MAP1S: variants seen among roughly 807,000 people sequenced by gnomAD.
The protein encoded by MAP1S is microtubule associated protein 1S.
MAP1S carries 27 observed loss-of-function variants against 60.9 expected under a neutral mutation model. The ratio of observed to expected loss-of-function variants is 0.44; its 90% CI spans 0.33 to 0.61. The LOEUF is 0.61. Ranked by LOEUF, MAP1S falls within the 20% of genes least tolerant of loss-of-function variation. The pLI is 0.03. For missense variants in MAP1S, 1,608 were observed against 1,486.6 expected (o/e 1.08, Z -1.34); for synonymous variants, 826 against 694.2 (o/e 1.19, Z -2.98).
In MAP1S at chr19:17,720,943, G is replaced by T. The variant is rs762588713; in HGVS notation, c.126G>T (p.Arg42=). The change falls in exon 2 of 7, where the codon CGG becomes CGT. Residue 42 remains arginine (R), a synonymous_variant. Transcript: ENST00000324096. ...YVLEELERGI[R]SWDVDPGVCN... is the part of the protein sequence containing the mutation. The stretch of plus-strand genomic sequence containing the variant: ...ATCCCTCCTTCCCACCAGGCATCCG[G>T]TCTTGGGATGTCGATCCTGGCGTCT... 3.1e-6 allele frequency: 5 copies of T among 1,613,710 alleles called. No individual in the cohort carries two copies. The highest frequency in any genetic ancestry group is 4.2e-6 in the Non-Finnish European group (5 of 1,179,782).
At chr19:17,719,902 C>T (rs2080355378) in intron 1 of MAP1S, 1 of 167,572 alleles carries the variant, frequency 6.0e-6, no homozygotes, top group Non-Finnish European at 1.2e-5. Context: ...GGACACGGGC[C>T]TGGGCTTGGG....
In MAP1S at chr19:17,727,253, A is replaced by C; in HGVS notation, c.1869A>C (p.Ala623=). ...LGPIPAGEEK[A]LELPLAASSI... is the part of the protein sequence containing the mutation. ...CGATCCCAGCCGGGGAGGAGAAGGC[A>C]CTGGAGCTGCCTTTGGCCGCCAGCT... is the stretch of plus-strand genomic sequence containing the variant. The change falls in exon 5 of 7, where the codon GCA becomes GCC. Residue 623 remains alanine, a synonymous_variant. Transcript: ENST00000324096. The surrounding 1 kb of genome is among the most constrained non-coding windows in gnomAD (Gnocchi z 4.1). 1 of 1,572,734 alleles carries C rather than the reference A, an allele frequency of 6.4e-7. No individual in the cohort carries two copies. Among genetic ancestry groups the C allele is most frequent in the Non-Finnish European group, 8.6e-7 (1 of 1,164,652 alleles).
Position 17,727,457 on chromosome 19 carries a change from G to T in MAP1S, c.2073G>T (p.Ser691=), listed in dbSNP as rs773981769. The T allele has an allele frequency of 6.2e-7, 1 of 1,605,604 alleles. No homozygotes were observed. The highest frequency in any genetic ancestry group is 8.5e-7 in the Non-Finnish European group (1 of 1,176,664). The change falls in exon 5 of 7, where the codon TCG becomes TCT. Residue 691 remains serine (S), a synonymous_variant. Transcript: ENST00000324096. This position sits in a 1 kb window ranked among gnomAD's most constrained non-coding sequence, Gnocchi z 4.1. The part of the protein sequence containing the change: ...SLPAEVGSPH[S]TEVDESLSVS... ...CCGCAGAGGTGGGCTCCCCGCACTC[G>T]ACCGAGGTGGACGAGTCCCTGTCGG...
At chr19:17,720,225 C>G (rs2080358216) in intron 1 of MAP1S, 1 of 1,378,632 alleles carries the variant, frequency 7.3e-7, no homozygotes, top group South Asian at 1.6e-5. Flanking sequence ...GCGTGATGCG[C>G]CCGTGGGTGG....
intron 2 of MAP1S, chr19:17,721,434 T>C (rs1197745728): frequency 2.7e-5 from 8 of 300,700 alleles, no homozygotes; most frequent in Non-Finnish European, 4.5e-5. Flanking sequence ...CTCAGCACTT[T>C]GGGAGGCCGC....
Position 17,726,037 on chromosome 19 carries a change from T to C in MAP1S, c.653T>C (p.Leu218Pro). The C allele has an allele frequency of 6.2e-7, 1 of 1,613,296 alleles. No individual in the cohort carries two copies. The highest frequency in any genetic ancestry group is 2.2e-5 in the East Asian group (1 of 44,838). ...TTCCTGGAGTACGTGGCTGAGTCTC[T>C]GGAGCCACCGTCCCCCTTCGAGCTG... ...CEFLEYVAESLEPPSPFELLE... is the reference protein window; with the variant it reads ...CEFLEYVAESPEPPSPFELLE... Residue 218 changes from leucine (L) to proline (P), a missense_variant, in exon 5 of 7, where the codon CTG (leucine) becomes CCG (proline). Transcript: ENST00000324096.
Position 17,733,140 on chromosome 19 carries a change from C to A in MAP1S, c.2789-53C>A, listed in dbSNP as rs576777377. ...GTGCAGGTCGAACTTGGAGCCTCGGCCCCTCCCCAGCCCCAGGAGCTCATC... is the reference window on the plus strand; with the variant it reads ...GTGCAGGTCGAACTTGGAGCCTCGGACCCTCCCCAGCCCCAGGAGCTCATC... On this transcript the variant is annotated intron_variant, in intron 5 of 6. Transcript: ENST00000324096. 54 of 1,266,664 alleles carry A rather than the reference C, an allele frequency of 4.3e-5. No individual in the cohort carries two copies. The South Asian group carries it at 7.6e-4, about 18-fold the overall frequency. The allele number at this position is 1,266,664 out of a possible 1,614,324, so 78.5% of individuals were successfully genotyped here. A position where few individuals can be genotyped will look rare whatever the true frequency, so the allele number is the denominator to read the frequency against.
At position 17,727,409 on chromosome 19, in the gene MAP1S, C is replaced by T. The variant is rs778992880; in HGVS notation, c.2025C>T (p.Pro675=). 8 of 1,598,072 alleles carry T rather than the reference C, an allele frequency of 5.0e-6. No homozygotes were observed. Among genetic ancestry groups the T allele is most frequent in the Non-Finnish European group, 8.5e-7 (1 of 1,173,146 alleles). The change falls in exon 5 of 7, where the codon CCC becomes CCT. Residue 675 remains proline, a synonymous_variant. Transcript: ENST00000324096. This position sits in a 1 kb window ranked among gnomAD's most constrained non-coding sequence, Gnocchi z 4.1. Reference sequence around the variant, plus strand: ...ACGCCTCACCCACAGTGACCACACCCACGGTGACCACGCCCTCACTACCCG... The same window carrying T: ...ACGCCTCACCCACAGTGACCACACCTACGGTGACCACGCCCTCACTACCCG... ...GPDASPTVTT[P]TVTTPSLPAE... is the part of the protein sequence containing the mutation.
rs548759746 is a variant in MAP1S, at chr19:17,733,201, A to C, written c.2797A>C (p.Ser933Arg). The C allele has an allele frequency of 1.7e-5, 26 of 1,502,568 alleles. No homozygotes were observed. The Admixed American group carries it at 4.5e-4, about 26-fold the overall frequency. 93.1% of individuals were successfully genotyped at this position (1,502,568 alleles called of 1,614,324 possible). The stretch of plus-strand genomic sequence containing the variant: ...CATCCCCCCGCCCGCAGGGTCAGCC[A>C]GCAGCCGGCCCGGGGTGTCAGCCAC... ...TATRGPSGSA[S>R]SRPGVSATPP... Residue 933 changes from serine to arginine, a missense_variant, in exon 6 of 7, where the codon AGC becomes CGC. This residue lies in a region of MAP1S where 1,167 missense variants were observed against 961.4 expected (regional missense o/e 1.21). Transcript: ENST00000324096.
In MAP1S at chr19:17,725,921, A is replaced by T; in HGVS notation, c.537A>T (p.Ala179=). 1 of 1,613,316 alleles carries T rather than the reference A, an allele frequency of 6.2e-7. No individual in the cohort carries two copies. Among genetic ancestry groups the T allele is most frequent in the East Asian group, 2.2e-5 (1 of 44,870 alleles). ...CCTTCGGTGACTGGGCTCAGCTGGC[A>T]CCCGCTGTGCCTGGCCTTCAGGGGG... ...CPTFGDWAQL[A]PAVPGLQGAL... is the part of the protein sequence containing the mutation. Residue 179 remains alanine (A), a synonymous_variant, in exon 5 of 7, where the codon GCA becomes GCT. Coordinates refer to ENST00000324096, the MANE Select transcript of MAP1S (RefSeq NM_018174.6). This position sits in a 1 kb window ranked among gnomAD's most constrained non-coding sequence, Gnocchi z 4.2.
chr19:17,722,212 G>A (rs2080376639), intron 2 of MAP1S, among the ~76,000 whole-genome samples: 1 of 152,208 alleles, frequency 6.6e-6, no homozygotes, highest in African/African-American at 2.4e-5. Context: ...AACACTTTGG[G>A]AGGTCAAAGT....
intron 2 of MAP1S, among the ~76,000 whole-genome samples, chr19:17,723,361 A>T (rs917856242): frequency 1.2e-4 from 18 of 151,768 alleles, no homozygotes. Context: ...AGCCTGACCC[A>T]CATGTTAAAA....
rs1433026178 is a variant in MAP1S, at chr19:17,733,762, G to A, written c.3024+334G>A. ...TAGGTGGGCTGGGTGGTATCTGTGCGGCTGAGAACCCTCCCCCATGGCTGC... is the reference window on the plus strand; with the variant it reads ...TAGGTGGGCTGGGTGGTATCTGTGCAGCTGAGAACCCTCCCCCATGGCTGC... On this transcript the variant is annotated intron_variant, in intron 6 of 6. Transcript: ENST00000324096. Among the ~76,000 whole-genome samples the A allele has an allele frequency of 5.9e-5, 9 of 152,186 alleles. 1 individual carries two copies. The highest frequency in any genetic ancestry group is 1.4e-4 in the African/African-American group (6 of 41,450).
At chr19:17,729,593 C>T (rs1272269930) in intron 5 of MAP1S, among the ~76,000 whole-genome samples, 1 of 152,076 alleles carries the variant, frequency 6.6e-6, no homozygotes, top group African/African-American at 2.4e-5. Flanking sequence ...GCAGCCTCGA[C>T]CTCCTGGGTT....
chr19:17,727,435 C>T lies in MAP1S; in HGVS notation c.2051C>T (p.Ala684Val). The change falls in exon 5 of 7, where the codon GCA becomes GTA. Residue 684 changes from alanine (A) to valine (V), a missense_variant. Ala to Val is a moderately conservative substitution (Grantham distance 64). Coordinates refer to ENST00000324096, the MANE Select transcript of MAP1S (RefSeq NM_018174.6). The surrounding 1 kb of genome is among the most constrained non-coding windows in gnomAD (Gnocchi z 4.1). ...TPTVTTPSLP[A>V]EVGSPHSTEV... The stretch of plus-strand genomic sequence containing the variant: ...ACGGTGACCACGCCCTCACTACCCG[C>T]AGAGGTGGGCTCCCCGCACTCGACC... The T allele has an allele frequency of 6.2e-7, 1 of 1,602,740 alleles. No homozygotes were observed. Among genetic ancestry groups the T allele is most frequent in the Non-Finnish European group, 8.5e-7 (1 of 1,175,246 alleles).
chr19:17,727,365 G>A lies in MAP1S; in HGVS notation c.1981G>A (p.Gly661Ser). 6 of 1,587,214 alleles carry A rather than the reference G, an allele frequency of 3.8e-6. No homozygotes were observed. The highest frequency in any genetic ancestry group is 5.1e-6 in the Non-Finnish European group (6 of 1,169,518). Residue 661 changes from glycine to serine, a missense_variant, in exon 5 of 7, where the codon GGC becomes AGC. By Grantham distance (56) the Gly-to-Ser change is moderately conservative. Transcript: ENST00000324096. The surrounding 1 kb of genome is among the most constrained non-coding windows in gnomAD (Gnocchi z 4.1). ...SERLSLSPLRGGEAGPDASPT... is the reference protein window; with the variant it reads ...SERLSLSPLRSGEAGPDASPT... ...GCGGCTGTCGCTGAGCCCACTGCGG[G>A]GCGGGGAGGCCGGGCCAGACGCCTC...
Position 17,725,317 on chromosome 19 carries a change from G to A in MAP1S, c.444+128G>A, listed in dbSNP as rs1300501478. 6 of 1,133,076 alleles carry A rather than the reference G, an allele frequency of 5.3e-6. No homozygotes were observed. Among genetic ancestry groups the A allele is most frequent in the African/African-American group, 3.1e-5 (2 of 63,828 alleles). The allele number at this position is 1,133,076 out of a possible 1,614,324, so 70.2% of individuals were successfully genotyped here. On this transcript the variant is annotated intron_variant, in intron 4 of 6. Coordinates refer to ENST00000324096, the MANE Select transcript of MAP1S (RefSeq NM_018174.6). The surrounding 1 kb of genome is among the most constrained non-coding windows in gnomAD (Gnocchi z 4.2). ...TCTCCCCATCCTCTGTAGGATGGCAGTGGTGACACATGCCTCCTGGCTGTC... is the reference window on the plus strand; with the variant it reads ...TCTCCCCATCCTCTGTAGGATGGCAATGGTGACACATGCCTCCTGGCTGTC...
At chr19:17,733,564 T>C in intron 6 of MAP1S, 136 bp downstream of exon 6, 1 of 699,862 alleles carries the variant, frequency 1.4e-6, no homozygotes. Flanking sequence ...CTCACATGGC[T>C]CAGCCCTTAG....
At chr19:17,728,423 G>A (rs10425947) in intron 5 of MAP1S, among the ~76,000 whole-genome samples, 79,772 of 151,936 alleles carry the variant, frequency 0.53, 22,219 homozygotes, top group African/African-American at 0.67. Flanking sequence ...TAATTTTAAA[G>A]TTTTTGGTAG....
Sources: allele counts gnomAD v4.1 joint callset (sites outside exome capture counted in the v4.1 genomes callset), GRCh38; gene constraint gnomAD v4.1.1; regional missense constraint gnomAD v4.1.1; non-coding constraint Gnocchi (gnomAD v3.1); transcripts MANE v1.5; gene names NCBI Gene and HGNC (gene_info 2026-07-23, HGNC 2026-07-21).